Variants in PCDHA5 observed in about 807,000 individuals in gnomAD.
The protein encoded by PCDHA5 is protocadherin alpha 5.
A neutral mutation model predicts 61.6 loss-of-function variants in PCDHA5; 43 were observed. The observed-to-expected ratio is 0.70, with a 90% CI of 0.55 to 0.90. PCDHA5 has a LOEUF of 0.90. PCDHA5 is among the 40% of genes least tolerant of loss of function. PCDHA5 has a pLI of 0.00. For missense variants in PCDHA5, 1,298 were observed against 1,222.7 expected, an observed-to-expected ratio of 1.06 and a Z score of -0.92; for synonymous variants, 627 against 543.9, an observed-to-expected ratio of 1.15 and a Z score of -2.13.
chr5:140,843,685 G>T (rs2150365041), intron 1 of PCDHA5: 1 of 1,589,062 alleles, frequency 6.3e-7, no homozygotes, highest in Non-Finnish European at 8.6e-7. Flanking sequence ...TAGGCGAAGA[G>T]CAAGATTTAA....
At chr5:140,971,376 C>CT (rs1334633165) in intron 1 of PCDHA5, among the ~76,000 whole-genome samples, 1 of 152,164 alleles carries the variant, frequency 6.6e-6, no homozygotes, top group Non-Finnish European at 1.5e-5. Context: ...GAGTGCATGA[C>CT]TTTAATAAAG....
intron 1 of PCDHA5, chr5:140,853,295 G>T: frequency 1.0e-6 from 1 of 982,026 alleles, no homozygotes. Flanking sequence ...ATTCTCAGAA[G>T]GGCTGTGAAC....
intron 1 of PCDHA5, chr5:140,850,559 C>T (rs2150489407): frequency 1.9e-6 from 3 of 1,598,268 alleles, no homozygotes; most frequent in Non-Finnish European, 2.6e-6. Context: ...GTGCCACGGG[C>T]CCCGAGGTGA....
chr5:140,960,258 T>G (rs551623092), intron 1 of PCDHA5, among the ~76,000 whole-genome samples: 1 of 152,248 alleles, frequency 6.6e-6, no homozygotes, highest in Non-Finnish European at 1.5e-5. Context: ...CTGGAGCTTC[T>G]GATAAATTCC....
chr5:140,871,211 T>C (rs781784103), intron 1 of PCDHA5: 2 of 1,613,842 alleles, frequency 1.2e-6, no homozygotes, highest in Non-Finnish European at 1.7e-6. Context: ...ATCATCGCCA[T>C]CTGCGTGGTG....
chr5:140,923,641 T>C (rs2081461052), intron 1 of PCDHA5, among the ~76,000 whole-genome samples: 1 of 152,230 alleles, frequency 6.6e-6, no homozygotes. Context: ...CAAAAATCTT[T>C]AGCCTCCCTT....
intron 1 of PCDHA5, among the ~76,000 whole-genome samples, chr5:140,941,192 TTTCTTTCTTCCTTTCTTTCTTCC>T (rs2153649449): frequency 1.0e-5 from 1 of 99,660 alleles, no homozygotes; most frequent in African/African-American, 4.0e-5. Flanking sequence ...CTTCTTTTTT[TTTCTTTCTTCCTTTCTTTCTTCC>T]TTTCTTTCTT....
At chr5:140,861,509 G>T in intron 1 of PCDHA5, 1 of 479,910 alleles carries the variant, frequency 2.1e-6, no homozygotes, top group Non-Finnish European at 4.3e-6. Context: ...ACCTCGAGGA[G>T]CTGTGTGGGA....
chr5:140,836,612 C>G, intron 1 of PCDHA5: 2 of 1,613,634 alleles, frequency 1.2e-6, no homozygotes, highest in Non-Finnish European at 1.7e-6. Flanking sequence ...TGTGCTCCAG[C>G]GCGGTGGGGA....
chr5:140,974,975 T>A (rs782637911), intron 1 of PCDHA5, among the ~76,000 whole-genome samples: 1 of 152,222 alleles, frequency 6.6e-6, no homozygotes, highest in African/African-American at 2.4e-5. Context: ...GTGGCTGAGT[T>A]GTCCGCTCAG....
intron 3 of PCDHA5, among the ~76,000 whole-genome samples, chr5:140,991,152 C>T (rs533894396): frequency 4.1e-4 from 63 of 152,168 alleles, no homozygotes; most frequent in South Asian, 1.0e-3. Flanking sequence ...TTTTGCTCAC[C>T]ATTGTATTCC....
At chr5:140,971,642 A>T (rs1586490477) in intron 1 of PCDHA5, among the ~76,000 whole-genome samples, 1 of 152,330 alleles carries the variant, frequency 6.6e-6, no homozygotes. Context: ...ATGTGCCTAC[A>T]TTAAAAGTAG....
At chr5:140,872,512 A>T (rs2053716713) in intron 1 of PCDHA5, among the ~76,000 whole-genome samples, 1 of 152,126 alleles carries the variant, frequency 6.6e-6, no homozygotes, top group Admixed American at 6.5e-5. Context: ...CTGTAGTCCC[A>T]GTTTCTTGGG....
rs2150246964 is a variant in PCDHA5, at chr5:140,835,869, G to A, written c.2352+11742G>A. On this transcript the variant is annotated intron_variant, in intron 1 of 3. Transcript: ENST00000529859. ...CGCGCTGGTGTCCTACTCGCTGGTG[G>A]AGCTGCGGGTGGGCGAGCGCGCGCT... The A allele has an allele frequency of 6.8e-6, 11 of 1,611,976 alleles. No individual in the cohort carries two copies. The African/African-American group carries it at 1.3e-4, about 20-fold the overall frequency.
At chr5:140,850,849 G>C (rs2150500367) in intron 1 of PCDHA5, 4 of 1,596,076 alleles carry the variant, frequency 2.5e-6, no homozygotes, top group South Asian at 2.2e-5. Context: ...TCTACAGAGC[G>C]AACGGGAGAA....
At chr5:140,871,911 A>G (rs2053380850) in intron 1 of PCDHA5, among the ~76,000 whole-genome samples, 1 of 152,196 alleles carries the variant, frequency 6.6e-6, no homozygotes, top group Non-Finnish European at 1.5e-5. Flanking sequence ...TTTTGCCTTG[A>G]TATTTCCACA....
At chr5:140,966,568 G>A (rs2096022635) in intron 1 of PCDHA5, 1 of 499,094 alleles carries the variant, frequency 2.0e-6, no homozygotes, top group African/African-American at 2.0e-5. Flanking sequence ...CTGGAATATG[G>A]GGAGTCAGCG....
intron 1 of PCDHA5, chr5:140,927,348 C>T (rs2153588187): frequency 1.2e-6 from 2 of 1,613,982 alleles, no homozygotes; most frequent in South Asian, 1.1e-5. Flanking sequence ...AAGATGACGA[C>T]GAGGGAAGCA....
chr5:140,830,363 GT>G, intron 1 of PCDHA5: 1 of 1,614,138 alleles, frequency 6.2e-7, no homozygotes, highest in Non-Finnish European at 8.5e-7. Context: ...GCGGCAGAGG[GT>G]GTGCTCCGGG....
Sources: allele counts gnomAD v4.1 joint callset (sites outside exome capture counted in the v4.1 genomes callset), GRCh38; gene constraint gnomAD v4.1.1; transcripts MANE v1.5; gene names NCBI Gene and HGNC (gene_info 2026-07-23, HGNC 2026-07-21).